The following WNT2 variants were observed in gnomAD, a reference collection of about 807,000 sequenced individuals.
WNT2 encodes Wnt family member 2, also known as protein Wnt-2.
In WNT2, 12 loss-of-function variants were observed where a neutral mutation model predicts 36.9. The ratio of observed to expected loss-of-function variants is 0.33; its 90% CI spans 0.21 to 0.53. The LOEUF (loss-of-function observed/expected upper bound fraction) is 0.53. Among genes scored for constraint, WNT2 ranks in the 20% least tolerant of loss-of-function variants. The pLI, the probability that WNT2 is intolerant of heterozygous loss-of-function variation, is 0.95. For missense variants in WNT2, 379 were observed against 473.1 expected, an observed-to-expected ratio of 0.80 and a Z score of 1.84; for synonymous variants, 163 against 174.6, an observed-to-expected ratio of 0.93 and a Z score of 0.52.
At chr7:117,313,920 A>T (rs1315608562) in intron 3 of WNT2, among the ~76,000 whole-genome samples, 1 of 152,242 alleles carries the variant, frequency 6.6e-6, no homozygotes, top group East Asian at 1.9e-4. Flanking sequence ...ATGTTATACC[A>T]TGTGCTAAGC....
chr7:117,314,079 T>G (rs1315841010), intron 3 of WNT2, among the ~76,000 whole-genome samples: 1 of 152,216 alleles, frequency 6.6e-6, no homozygotes, highest in African/African-American at 2.4e-5. Context: ...TCTTTATATA[T>G]TAATATCAAA....
rs1372487486 is a variant in WNT2, at chr7:117,277,678, T to G, written c.*477A>C. Reference sequence around the variant, plus strand: ...ACAAAAGTCTTGGTCTTTTCAAAAGTTAAAGTTAAGTCAGGGGCAGTTGAT... The same window carrying G: ...ACAAAAGTCTTGGTCTTTTCAAAAGGTAAAGTTAAGTCAGGGGCAGTTGAT... On this transcript the variant is annotated 3_prime_UTR_variant, in exon 5 of 5. Coordinates refer to ENST00000265441, the MANE Select transcript of WNT2 (RefSeq NM_003391.3). 1 of 161,728 alleles carries G rather than the reference T, an allele frequency of 6.2e-6. No homozygotes were observed. Among genetic ancestry groups the G allele is most frequent in the Non-Finnish European group, 1.4e-5 (1 of 73,108 alleles). 10.0% of individuals were successfully genotyped at this position (161,728 alleles called of 1,614,324 possible). A position where few individuals can be genotyped will look rare whatever the true frequency, so the allele number is the denominator to read the frequency against.
intron 4 of WNT2, among the ~76,000 whole-genome samples, chr7:117,283,996 C>T (rs1248646488): frequency 6.6e-6 from 1 of 151,942 alleles, no homozygotes; most frequent in African/African-American, 2.4e-5. Flanking sequence ...GCCAACTGGG[C>T]GGGAAAGGGC....
chr7:117,288,984 G>T (rs1794635904), intron 4 of WNT2, among the ~76,000 whole-genome samples: 2 of 148,636 alleles, frequency 1.3e-5, no homozygotes, highest in Non-Finnish European at 3.0e-5. Flanking sequence ...AAGAGTAAAA[G>T]AACTGAGTCT....
Position 117,278,259 on chromosome 7 carries a change from T to G in WNT2, c.979A>C (p.Lys327Gln). The G allele has an allele frequency of 1.2e-6, 2 of 1,614,176 alleles. No homozygotes were observed. The highest frequency in any genetic ancestry group is 8.5e-7 in the Non-Finnish European group (1 of 1,180,022). The change falls in exon 5 of 5, where the codon AAG (lysine) becomes CAG (glutamine). Residue 327 changes from lysine (K) to glutamine (Q), a missense_variant. Physicochemically the swap from Lys to Gln is moderately conservative, Grantham distance 53 (BLOSUM62 1). Coordinates refer to ENST00000265441, the MANE Select transcript of WNT2 (RefSeq NM_003391.3). Reference sequence around the variant, plus strand: ...CGCACGGCGCAGCACCAGTGGAACTTACACCCACACTTGGTCATCCGGGTG... The same window carrying G: ...CGCACGGCGCAGCACCAGTGGAACTGACACCCACACTTGGTCATCCGGGTG... Reference protein sequence around the residue: ...HVTRMTKCGCKFHWCCAVRCQ... With the variant: ...HVTRMTKCGCQFHWCCAVRCQ...
At position 117,278,115 on chromosome 7, in the gene WNT2, T is replaced by C. The variant is rs1267113892; in HGVS notation, c.*40A>G. 6.2e-7 allele frequency: 1 copy of C among 1,603,702 alleles called. No individual in the cohort carries two copies. The highest frequency in any genetic ancestry group is 8.5e-7 in the Non-Finnish European group (1 of 1,171,334). ...CAGTGTTCTTGCAGATCCAATGGAGTCCTTGTAGAAGGGAAGGTGGATGGT... is the reference window on the plus strand; with the variant it reads ...CAGTGTTCTTGCAGATCCAATGGAGCCCTTGTAGAAGGGAAGGTGGATGGT... On this transcript the variant is annotated 3_prime_UTR_variant, in exon 5 of 5. Transcript: ENST00000265441.
chr7:117,281,294 G>A (rs745535342), intron 4 of WNT2, among the ~76,000 whole-genome samples: 1 of 152,202 alleles, frequency 6.6e-6, no homozygotes, highest in Non-Finnish European at 1.5e-5. Context: ...CTTGAGGGCA[G>A]TGGCACGAAC....
In WNT2 at chr7:117,322,931, G is replaced by T. The variant is rs751608164; in HGVS notation, c.59C>A (p.Thr20Asn). 1 of 1,613,900 alleles carries T rather than the reference G, an allele frequency of 6.2e-7. No individual in the cohort carries two copies. Among genetic ancestry groups the T allele is most frequent in the Non-Finnish European group, 8.5e-7 (1 of 1,180,028 alleles). The change falls in exon 1 of 5, where the codon ACC becomes AAC. Residue 20 changes from threonine to asparagine, a missense_variant. Thr to Asn is a moderately conservative substitution (Grantham distance 65). Transcript: ENST00000265441. This position sits in a 1 kb window ranked among gnomAD's most constrained non-coding sequence, Gnocchi z 5.4. ...LWLPLLLTWLTPEVNSSWWYM... is the reference protein window; with the variant it reads ...LWLPLLLTWLNPEVNSSWWYM... ...CCACCATGAAGAGTTGACCTCGGGGGTGAGCCAGGTCAAGAGCAGAGGGAG... is the reference window on the plus strand; with the variant it reads ...CCACCATGAAGAGTTGACCTCGGGGTTGAGCCAGGTCAAGAGCAGAGGGAG...
At chr7:117,281,854 C>A (rs989890433) in intron 4 of WNT2, among the ~76,000 whole-genome samples, 3 of 152,044 alleles carry the variant, frequency 2.0e-5, no homozygotes, top group Admixed American at 2.0e-4. Flanking sequence ...GTAACTGGCG[C>A]CCTCGATGAG....
chr7:117,314,285 T>C (rs1269900611), intron 3 of WNT2, among the ~76,000 whole-genome samples: 9 of 152,246 alleles, frequency 5.9e-5, no homozygotes, highest in African/African-American at 1.9e-4. Flanking sequence ...ACATGGGTCA[T>C]CAGTGGGTCT....
intron 4 of WNT2, among the ~76,000 whole-genome samples, chr7:117,278,699 C>G (rs578001973): frequency 4.0e-4 from 61 of 152,316 alleles, no homozygotes; most frequent in Non-Finnish European, 6.8e-4. Flanking sequence ...CCTTACCCAG[C>G]CTTGAATTTA....
intron 4 of WNT2, 137 bp downstream of exon 4, chr7:117,297,475 C>A (rs1794814391): frequency 8.5e-7 from 1 of 1,181,896 alleles, no homozygotes. Flanking sequence ...CAGCCCTGTA[C>A]AGTTTCAATA....
In WNT2 at chr7:117,299,870, G is replaced by T. The variant is rs115864645; in HGVS notation, c.589-1994C>A. 6.8e-3 allele frequency among the ~76,000 whole-genome samples: 1,028 copies of T among 152,092 alleles called. 9 individuals are homozygous for T. Among genetic ancestry groups the T allele is most frequent in the African/African-American group, 0.023 (941 of 41,470 alleles). On this transcript the variant is annotated intron_variant, in intron 3 of 4. Transcript: ENST00000265441. ...TGATATTTTTATACAATTAATTGAA[G>T]AATTTGCATATTAATTTAAAATTGG...
chr7:117,309,184 C>CAA (rs35726865), intron 3 of WNT2, among the ~76,000 whole-genome samples: 9 of 144,926 alleles, frequency 6.2e-5, no homozygotes, highest in Non-Finnish European at 9.1e-5. Flanking sequence ...ACCCTGTCTC[C>CAA]AAAAAAAAAA....
In WNT2 at chr7:117,284,508, G is replaced by T. The variant is rs979249871; in HGVS notation, c.854-6124C>A. Among the ~76,000 whole-genome samples, 2 of 152,098 alleles carry T rather than the reference G, an allele frequency of 1.3e-5. No individual in the cohort carries two copies. Among genetic ancestry groups the T allele is most frequent in the African/African-American group, 4.8e-5 (2 of 41,408 alleles). ...AACTGAGTCACTCACCCTTGCTTGG[G>T]CCACAACAGGAACCACTGGGGAGAC... On this transcript the variant is annotated intron_variant, in intron 4 of 4. Transcript: ENST00000265441. This position sits in a 1 kb window ranked among gnomAD's most constrained non-coding sequence, Gnocchi z 5.2.
chr7:117,313,639 C>A (rs1293736843), intron 3 of WNT2, among the ~76,000 whole-genome samples: 1 of 152,116 alleles, frequency 6.6e-6, no homozygotes, highest in African/African-American at 2.4e-5. Context: ...TAACTATATA[C>A]CCTGTTTGAA....
chr7:117,283,441 G>A (rs1020356349), intron 4 of WNT2, among the ~76,000 whole-genome samples: 1 of 152,244 alleles, frequency 6.6e-6, no homozygotes, highest in Non-Finnish European at 1.5e-5. Context: ...GGCTTAAGGG[G>A]GCCAGGATAA....
Position 117,275,897 on chromosome 7 carries a change from C to G in WNT2, c.*2258G>C, listed in dbSNP as rs73211994. Among the ~76,000 whole-genome samples, 1 of 152,176 alleles carries G rather than the reference C, an allele frequency of 6.6e-6. No homozygotes were observed. Among genetic ancestry groups the G allele is most frequent in the African/African-American group, 2.4e-5 (1 of 41,432 alleles). On this transcript the variant is annotated 3_prime_UTR_variant, in exon 5 of 5. Coordinates refer to ENST00000265441, the MANE Select transcript of WNT2 (RefSeq NM_003391.3). ...TAGGTTCCTACGTGGATATCCTTGT[C>G]CCCTTGCTACTTACCAGGAGGGATA...
At chr7:117,282,415 A>AAAG (rs10673991) in intron 4 of WNT2, among the ~76,000 whole-genome samples, 71,492 of 149,776 alleles carry the variant, frequency 0.48, 17,181 homozygotes, top group Middle Eastern at 0.58. Context: ...GGAGGAAGAC[A>AAAG]AGGAGGAGGA....
Sources: allele counts gnomAD v4.1 joint callset (sites outside exome capture counted in the v4.1 genomes callset), GRCh38; gene constraint gnomAD v4.1.1; non-coding constraint Gnocchi (gnomAD v3.1); transcripts MANE v1.5; gene names NCBI Gene and HGNC (gene_info 2026-07-23, HGNC 2026-07-21).